The following UBASH3B variants were observed in gnomAD, a reference collection of about 807,000 sequenced individuals.
UBASH3B encodes ubiquitin associated and SH3 domain containing B.
In UBASH3B, 37 loss-of-function variants were observed where a neutral mutation model predicts 83.4. The observed-to-expected ratio is 0.44, with a 90% CI of 0.34 to 0.58. UBASH3B has a LOEUF of 0.58. Ranked by LOEUF, UBASH3B falls within the 20% of genes least tolerant of loss-of-function variation. The pLI is 0.01. For synonymous variants in UBASH3B, 304 were observed against 318.3 expected (o/e 0.96, Z 0.48); for missense variants, 657 against 827.2 (o/e 0.79, Z 2.52).
chr11:122,665,664 T>G (rs926172986), intron 1 of UBASH3B, among the ~76,000 whole-genome samples: 3 of 152,236 alleles, frequency 2.0e-5, no homozygotes, highest in African/African-American at 7.2e-5. Context: ...GACTTGATAT[T>G]TTAGAGAGTA....
At chr11:122,727,149 G>A (rs1038205195) in intron 1 of UBASH3B, among the ~76,000 whole-genome samples, 2 of 152,208 alleles carry the variant, frequency 1.3e-5, no homozygotes, top group African/African-American at 4.8e-5. Flanking sequence ...CTGATTTTAA[G>A]CCGCGTCCTG....
chr11:122,755,867 T>C (rs996791392), intron 1 of UBASH3B, among the ~76,000 whole-genome samples: 13 of 152,234 alleles, frequency 8.5e-5, no homozygotes, highest in Admixed American at 8.5e-4. Flanking sequence ...TCTGCTTTTT[T>C]CCCATACTCA....
intron 1 of UBASH3B, among the ~76,000 whole-genome samples, chr11:122,697,105 T>TG (rs371199072): frequency 2.6e-5 from 4 of 152,170 alleles, no homozygotes; most frequent in Non-Finnish European, 4.4e-5. Flanking sequence ...GATTAGGGTT[T>TG]GGGGGGGAAG....
At chr11:122,741,122 A>G (rs1258451299) in intron 1 of UBASH3B, among the ~76,000 whole-genome samples, 1 of 152,208 alleles carries the variant, frequency 6.6e-6, no homozygotes, top group Non-Finnish European at 1.5e-5. Flanking sequence ...TTTATTTTTT[A>G]TATAAAAATT....
At position 122,810,240 on chromosome 11, in the gene UBASH3B, A is replaced by G. The variant is rs1016536328; in HGVS notation, c.*354A>G. ...CTGCTGGCCCGCTCTAAGGGGTGCA[A>G]GAGGAAGGAGTGTGCCCAGACCAGC... On this transcript the variant is annotated 3_prime_UTR_variant, in exon 14 of 14. Coordinates refer to ENST00000284273, the MANE Select transcript of UBASH3B (RefSeq NM_032873.5). 5 of 178,440 alleles carry G rather than the reference A, an allele frequency of 2.8e-5. No individual in the cohort carries two copies. Among genetic ancestry groups the G allele is most frequent in the Non-Finnish European group, 4.7e-5 (4 of 85,184 alleles). 11.1% of individuals were successfully genotyped at this position (178,440 alleles called of 1,614,324 possible).
intron 1 of UBASH3B, among the ~76,000 whole-genome samples, chr11:122,728,652 G>A (rs1199961380): frequency 6.6e-6 from 1 of 152,232 alleles, no homozygotes; most frequent in Non-Finnish European, 1.5e-5. Context: ...AGAATTGGTT[G>A]TTGGATTGGG....
intron 1 of UBASH3B, among the ~76,000 whole-genome samples, chr11:122,730,842 G>A (rs543780192): frequency 5.9e-5 from 9 of 152,242 alleles, no homozygotes; most frequent in Non-Finnish European, 1.0e-4. Flanking sequence ...TGATCCGCCC[G>A]CCTCGGCCTC....
intron 1 of UBASH3B, among the ~76,000 whole-genome samples, chr11:122,755,228 G>A (rs370755936): frequency 7.0e-4 from 106 of 152,166 alleles, no homozygotes; most frequent in African/African-American, 2.5e-3. Flanking sequence ...CACATTGCAC[G>A]TCACCAGGAG....
Position 122,789,387 on chromosome 11 carries a change from G to A in UBASH3B, c.980+79G>A, listed in dbSNP as rs1003345321. On this transcript the variant is annotated intron_variant, in intron 6 of 13. Coordinates refer to ENST00000284273, the MANE Select transcript of UBASH3B (RefSeq NM_032873.5). ...TGGATCCTGGATACACAGGGCAGCA[G>A]TAAATGGAGTCCATGGGAAGAAGGC... is the stretch of plus-strand genomic sequence containing the variant. 2.7e-6 allele frequency: 4 copies of A among 1,467,342 alleles called. No homozygotes were observed. The African/African-American group carries it at 5.5e-5, about 20-fold the overall frequency. 90.9% of individuals were successfully genotyped at this position (1,467,342 alleles called of 1,614,324 possible).
chr11:122,730,022 C>T (rs1385176950), intron 1 of UBASH3B, among the ~76,000 whole-genome samples: 2 of 144,656 alleles, frequency 1.4e-5, no homozygotes, highest in Non-Finnish European at 3.0e-5. Flanking sequence ...TGCAGTGGCT[C>T]ACACCTGTAA....
chr11:122,724,289 G>A (rs903064658), intron 1 of UBASH3B, among the ~76,000 whole-genome samples: 1 of 152,206 alleles, frequency 6.6e-6, no homozygotes, highest in Non-Finnish European at 1.5e-5. Flanking sequence ...AGGTTTTGGC[G>A]AGGAGCAGAT....
intron 1 of UBASH3B, among the ~76,000 whole-genome samples, chr11:122,696,341 C>CTTTTTT (rs10632310): frequency 1.5e-4 from 22 of 146,028 alleles, no homozygotes; most frequent in Admixed American, 2.0e-4. Context: ...TTTCTTTTTT[C>CTTTTTT]TTTTTGTTTT....
intron 1 of UBASH3B, among the ~76,000 whole-genome samples, chr11:122,732,883 G>A (rs77708449): frequency 6.6e-6 from 1 of 152,184 alleles, no homozygotes; most frequent in East Asian, 1.9e-4. Flanking sequence ...TTCAAATAGT[G>A]GCAGAATCCT....
chr11:122,671,561 C>CAGCTGAACAGAAGGGGGAACAGACA (rs1863593063), intron 1 of UBASH3B, among the ~76,000 whole-genome samples: 1 of 152,240 alleles, frequency 6.6e-6, no homozygotes, highest in African/African-American at 2.4e-5. Context: ...GCTGAACAGA[C>CAGCTGAACAGAAGGGGGAACAGACA]AGCTGTGTCC....
intron 8 of UBASH3B, among the ~76,000 whole-genome samples, chr11:122,796,604 C>A (rs1470702385): frequency 1.3e-5 from 2 of 152,132 alleles, no homozygotes; most frequent in African/African-American, 4.8e-5. Context: ...GTTCCATTTT[C>A]ATTTGAGTAG....
chr11:122,658,979 C>T (rs1411928292), intron 1 of UBASH3B, among the ~76,000 whole-genome samples: 3 of 152,282 alleles, frequency 2.0e-5, no homozygotes, highest in Admixed American at 6.5e-5. Flanking sequence ...GAATCCACTC[C>T]CTGCCTCTCC....
rs1168397429 is a variant in UBASH3B, at chr11:122,759,500, C to A, written c.162-16719C>A. Among the ~76,000 whole-genome samples the A allele has an allele frequency of 6.6e-6, 1 of 152,186 alleles. No individual in the cohort carries two copies. Among genetic ancestry groups the A allele is most frequent in the Non-Finnish European group, 1.5e-5 (1 of 68,040 alleles). On this transcript the variant is annotated intron_variant, in intron 1 of 13. Transcript: ENST00000284273. This position sits in a 1 kb window ranked among gnomAD's most constrained non-coding sequence, Gnocchi z 4.1. ...TGTAATATATAATGAAATAGTGATA[C>A]AACCAACTCACCATAATGTAGAATG...
At chr11:122,784,914 C>G (rs1202737731) in intron 5 of UBASH3B, among the ~76,000 whole-genome samples, 2 of 152,114 alleles carry the variant, frequency 1.3e-5, no homozygotes, top group African/African-American at 4.8e-5. Context: ...CTGACATCTC[C>G]TAGAGTCACG....
intron 1 of UBASH3B, among the ~76,000 whole-genome samples, chr11:122,749,282 G>C (rs1015524693): frequency 6.6e-6 from 1 of 152,226 alleles, no homozygotes; most frequent in African/African-American, 2.4e-5. Context: ...ACTAATCTCT[G>C]AGCTGCATTC....
Sources: gnomAD v4.1 joint callset for allele counts (sites outside exome capture counted in the v4.1 genomes callset) on GRCh38, gnomAD v4.1.1 for gene constraint, Gnocchi (gnomAD v3.1) non-coding constraint, MANE v1.5 for transcripts, NCBI Gene and HGNC (gene_info 2026-07-23, HGNC 2026-07-21) for gene names.